Variants in MYOF observed in about 807,000 individuals in gnomAD.
MYOF encodes fer-1-like 3, myoferlin.
In MYOF, 244 loss-of-function variants were observed where a neutral mutation model predicts 284.2. The observed-to-expected ratio is 0.86, with a 90% CI of 0.77 to 0.95. The LOEUF is 0.95. Ranked by LOEUF, MYOF falls within the 40% of genes least tolerant of loss-of-function variation. The probability of loss-of-function intolerance (pLI) is 0.00; values close to 1 mark genes in which losing one functional copy is unlikely to be tolerated. For missense variants in MYOF, 2,496 were observed against 2,560.6 expected, an observed-to-expected ratio of 0.97 and a Z score of 0.54; for synonymous variants, 904 against 919.7, an observed-to-expected ratio of 0.98 and a Z score of 0.31.
intron 5 of MYOF, among the ~76,000 whole-genome samples, chr10:93,421,860 A>G (rs1385023554): frequency 1.3e-5 from 2 of 152,172 alleles, no homozygotes; most frequent in African/African-American, 4.8e-5. Context: ...CAATGCAAAC[A>G]GACTAAGACA....
intron 22 of MYOF, among the ~76,000 whole-genome samples, chr10:93,375,963 A>C (rs1480837986): frequency 6.6e-6 from 1 of 152,180 alleles, no homozygotes; most frequent in Non-Finnish European, 1.5e-5. Flanking sequence ...AGGTTCACGA[A>C]GCTCTGATTC....
intron 37 of MYOF, among the ~76,000 whole-genome samples, chr10:93,345,571 C>T (rs1219006482): frequency 1.3e-5 from 2 of 152,176 alleles, no homozygotes; most frequent in African/African-American, 2.4e-5. Flanking sequence ...CCAAGATAAG[C>T]TCCCCTGCAG....
chr10:93,480,513 T>C (rs558304111), intron 1 of MYOF, among the ~76,000 whole-genome samples: 48 of 133,250 alleles, frequency 3.6e-4, no homozygotes, highest in Non-Finnish European at 6.4e-4. Context: ...TCTCACTCTG[T>C]TGCCCAGGTT....
rs1363439413 is a variant in MYOF at position 93,419,478 on chromosome 10, T to TA, written c.433+6592dup. Among the ~76,000 whole-genome samples the TA allele has an allele frequency of 4.0e-3, 609 of 151,932 alleles. 3 individuals are homozygous for TA. Among genetic ancestry groups the TA allele is most frequent in the African/African-American group, 0.014 (585 of 41,444 alleles). ...GTGCCCGGCCCCAAAATGCCCTTCT[T>TA]AAAAAAAAATTTTTAAACCATATTC... On this transcript the variant is annotated intron_variant, in intron 5 of 53. Transcript: ENST00000359263.
chr10:93,369,149 A>G (rs990499862), intron 25 of MYOF, among the ~76,000 whole-genome samples: 2 of 114,972 alleles, frequency 1.7e-5, no homozygotes, highest in Non-Finnish European at 3.2e-5. Context: ...GGACAAGCCT[A>G]TCTGAGGCTT....
At chr10:93,412,992 C>T (rs1847970322) in intron 5 of MYOF, among the ~76,000 whole-genome samples, 1 of 152,110 alleles carries the variant, frequency 6.6e-6, no homozygotes, top group African/African-American at 2.4e-5. Flanking sequence ...GAACTTCCTT[C>T]CATCATCCTG....
chr10:93,478,840 A>AGAGAGAAAGAAAGAAAGAAAG (rs1554875967), intron 1 of MYOF, among the ~76,000 whole-genome samples: 1 of 78,052 alleles, frequency 1.3e-5, no homozygotes. Context: ...AAAAAAAAAA[A>AGAGAGAAAGAAAGAAAGAAAG]AAAGAAAGAA....
intron 39 of MYOF, among the ~76,000 whole-genome samples, chr10:93,338,842 C>T (rs1843735755): frequency 1.3e-5 from 2 of 151,886 alleles, no homozygotes; most frequent in Admixed American, 1.3e-4. Context: ...TATAGAAGGC[C>T]TCCCACTCAG....
chr10:93,338,679 C>G (rs1843727951), intron 39 of MYOF, among the ~76,000 whole-genome samples: 1 of 152,120 alleles, frequency 6.6e-6, no homozygotes, highest in Admixed American at 6.5e-5. Context: ...TGCAATCAGT[C>G]TGGGGTGAGA....
chr10:93,382,845 G>A (rs146485290), intron 19 of MYOF, among the ~76,000 whole-genome samples: 296 of 152,284 alleles, frequency 1.9e-3, no homozygotes, highest in African/African-American at 6.5e-3. Flanking sequence ...GAACTCTGGT[G>A]GTACCCAGTC....
intron 3 of MYOF, among the ~76,000 whole-genome samples, chr10:93,437,635 T>G (rs572351135): frequency 1.3e-5 from 2 of 152,330 alleles, no homozygotes; most frequent in South Asian, 2.1e-4. Context: ...CCAACCTGAC[T>G]GGGGACAAAC....
At position 93,469,206 on chromosome 10, in the gene MYOF, C is replaced by A. The variant is rs193157414; in HGVS notation, c.89-12269G>T. 6.0e-4 allele frequency among the ~76,000 whole-genome samples: 91 copies of A among 152,176 alleles called. 2 individuals are homozygous for A. Among genetic ancestry groups the A allele is most frequent in the Middle Eastern group, 3.4e-3 (1 of 294 alleles). On this transcript the variant is annotated intron_variant, in intron 1 of 53. Transcript: ENST00000359263. ...CTTGAGGTCAGGAGTTCGAGGCCAG[C>A]CTGGCCAACTTGGTGAAACCCTGTC...
chr10:93,418,585 A>T (rs1396613080), intron 5 of MYOF, among the ~76,000 whole-genome samples: 1 of 152,168 alleles, frequency 6.6e-6, no homozygotes, highest in Admixed American at 6.5e-5. Context: ...AGTCTAGATA[A>T]CAAAGCCCAG....
chr10:93,383,311 G>A (rs1300814493), intron 19 of MYOF, among the ~76,000 whole-genome samples: 1 of 152,158 alleles, frequency 6.6e-6, no homozygotes, highest in African/African-American at 2.4e-5. Context: ...TTGGTTAAAG[G>A]AGTTTTTGAC....
intron 27 of MYOF, among the ~76,000 whole-genome samples, chr10:93,362,520 C>T (rs1425990177): frequency 2.6e-5 from 4 of 152,136 alleles, no homozygotes; most frequent in Admixed American, 2.0e-4. Context: ...GCTGGGATTA[C>T]AGGTGTGACC....
intron 38 of MYOF, 75 bp downstream of exon 38, chr10:93,343,781 A>G: frequency 1.4e-6 from 2 of 1,458,438 alleles, no homozygotes; most frequent in Non-Finnish European, 1.9e-6. Flanking sequence ...TGTTTGACTG[A>G]ATTCACCAAA....
chr10:93,379,284 T>C (rs901980206), intron 21 of MYOF, among the ~76,000 whole-genome samples: 2 of 152,104 alleles, frequency 1.3e-5, no homozygotes, highest in Non-Finnish European at 2.9e-5. Flanking sequence ...CATATTGCTA[T>C]TGGAATGAAC....
chr10:93,442,462 C>G (rs751016634), intron 3 of MYOF, among the ~76,000 whole-genome samples: 7 of 152,214 alleles, frequency 4.6e-5, no homozygotes, highest in Non-Finnish European at 8.8e-5. Flanking sequence ...AAAGTTCTGT[C>G]TAATCTCATG....
At chr10:93,395,491 T>C (rs1332716947) in intron 16 of MYOF, among the ~76,000 whole-genome samples, 1 of 152,216 alleles carries the variant, frequency 6.6e-6, no homozygotes, top group Non-Finnish European at 1.5e-5. Flanking sequence ...TAATTTTTTC[T>C]CTTATCATCT....
Sources: allele counts gnomAD v4.1 joint callset (sites outside exome capture counted in the v4.1 genomes callset), GRCh38; gene constraint gnomAD v4.1.1; transcripts MANE v1.5; gene names NCBI Gene and HGNC (gene_info 2026-07-23, HGNC 2026-07-21).